Variants in FAT4 observed in about 807,000 individuals in gnomAD.
FAT4 encodes the protein FAT atypical cadherin 4.
A neutral mutation model predicts 303.9 loss-of-function variants in FAT4; 84 were observed. The ratio of observed to expected loss-of-function variants is 0.28; its 90% CI spans 0.23 to 0.33. FAT4 has a LOEUF of 0.33. Ranked by LOEUF, FAT4 falls within the 10% of genes least tolerant of loss-of-function variation. The pLI is 1.00. For synonymous variants in FAT4, 2,307 were observed against 2,298.8 expected, an observed-to-expected ratio of 1.00 and a Z score of -0.10; for missense variants, 6,005 against 6,146.8, an observed-to-expected ratio of 0.98 and a Z score of 0.77.
rs535732043 is a variant in FAT4 at position 125,434,413 on chromosome 4, A to G, written c.7187A>G (p.Asn2396Ser). 1 of 1,614,020 alleles carries G rather than the reference A, an allele frequency of 6.2e-7. No homozygotes were observed. The highest frequency in any genetic ancestry group is 1.3e-5 in the African/African-American group (1 of 75,040). Residue 2396 changes from asparagine (N) to serine (S), a missense_variant, in exon 8 of 18, where the codon AAT (asparagine) becomes AGT (serine). Coordinates refer to ENST00000394329, the MANE Select transcript of FAT4 (RefSeq NM_001291303.3). Reference protein sequence around the residue: ...VNASDADASKNAVISYRIIGG... With the variant: ...VNASDADASKSAVISYRIIGG... The stretch of plus-strand genomic sequence containing the variant: ...GCCTCAGATGCTGATGCTTCAAAGA[A>G]TGCAGTTATAAGGTCAGTACATTTT...
chr4:125,427,136 A>T (rs906051753), intron 7 of FAT4, among the ~76,000 whole-genome samples: 1 of 151,754 alleles, frequency 6.6e-6, no homozygotes, highest in African/African-American at 2.4e-5. Context: ...GTAATTCCTC[A>T]TATGTGCTTT....
intron 2 of FAT4, among the ~76,000 whole-genome samples, chr4:125,345,564 AT>A (rs1431456323): frequency 1.3e-5 from 2 of 151,958 alleles, no homozygotes; most frequent in African/African-American, 4.8e-5. Context: ...AATATTAATG[AT>A]TACTTTTAGT....
intron 16 of FAT4, among the ~76,000 whole-genome samples, chr4:125,485,943 T>C (rs1262529476): frequency 6.6e-6 from 1 of 152,186 alleles, no homozygotes; most frequent in Non-Finnish European, 1.5e-5. Flanking sequence ...CATGATGTTT[T>C]AAAAGTGAAG....
chr4:125,401,761 G>A (rs1005053115), intron 3 of FAT4, among the ~76,000 whole-genome samples: 1 of 151,162 alleles, frequency 6.6e-6, no homozygotes, highest in African/African-American at 2.4e-5. Flanking sequence ...GCTAGTAATG[G>A]GCTAGGATAC....
chr4:125,366,498 T>C (rs1287906001), intron 2 of FAT4, among the ~76,000 whole-genome samples: 1 of 151,560 alleles, frequency 6.6e-6, no homozygotes, highest in Non-Finnish European at 1.5e-5. Context: ...TAATCTGGTC[T>C]ACCATTGATG....
rs781771280 is a variant in FAT4 at position 125,318,537 on chromosome 4, C to T, written c.2126C>T (p.Thr709Ile). Residue 709 changes from threonine to isoleucine, a missense_variant, in exon 2 of 18, where the codon ACC (threonine) becomes ATC (isoleucine). Coordinates refer to ENST00000394329, the MANE Select transcript of FAT4 (RefSeq NM_001291303.3). ...KENEPGGSYI[T>I]TVSATDPDLG... is the part of the protein sequence containing the mutation. ...AATGAGCCTGGAGGTAGCTACATCA[C>T]CACTGTGTCTGCCACTGACCCAGAC... 46 of 1,614,076 alleles carry T rather than the reference C, an allele frequency of 2.8e-5. No individual in the cohort carries two copies. The highest frequency in any genetic ancestry group is 3.7e-5 in the Non-Finnish European group (44 of 1,180,032).
Position 125,316,355 on chromosome 4 carries a change from T to C in FAT4, c.-12-45T>C. The C allele has an allele frequency of 6.5e-7, 1 of 1,534,120 alleles. No individual in the cohort carries two copies. The highest frequency in any genetic ancestry group is 8.8e-7 in the Non-Finnish European group (1 of 1,141,064). On this transcript the variant is annotated intron_variant, in intron 1 of 17. Coordinates refer to ENST00000394329, the MANE Select transcript of FAT4 (RefSeq NM_001291303.3). The surrounding 1 kb of genome is among the most constrained non-coding windows in gnomAD (Gnocchi z 5.7). ...CGCTCCTTAATCCCTGTAAATATCATTGCGTTTGCTTCACCCCTTCCTTCT... is the reference window on the plus strand; with the variant it reads ...CGCTCCTTAATCCCTGTAAATATCACTGCGTTTGCTTCACCCCTTCCTTCT...
In FAT4 at chr4:125,352,086, G is replaced by A. The variant is rs374575526; in HGVS notation, c.5175+30500G>A. Among the ~76,000 whole-genome samples the A allele has an allele frequency of 2.1e-4, 32 of 151,508 alleles. No homozygotes were observed. In the East Asian group the frequency reaches 5.6e-3, roughly 27 times the overall value. On this transcript the variant is annotated intron_variant, in intron 2 of 17. Coordinates refer to ENST00000394329, the MANE Select transcript of FAT4 (RefSeq NM_001291303.3). ...CCCAACAAATCCTTTTTTTAAAAAG[G>A]GATTTAGGTTGTTTCAAGTATATAC...
Position 125,463,564 on chromosome 4 carries a change from G to T in FAT4, c.11802G>T (p.Gly3934=), listed in dbSNP as rs1216169393. 6.4e-7 allele frequency: 1 copy of T among 1,565,242 alleles called. No homozygotes were observed. Among genetic ancestry groups the T allele is most frequent in the African/African-American group, 1.3e-5 (1 of 74,158 alleles). The change falls in exon 11 of 18, where the codon GGG becomes GGT. Residue 3934 remains glycine, a splice_region_variant and synonymous_variant. Coordinates refer to ENST00000394329, the MANE Select transcript of FAT4 (RefSeq NM_001291303.3). ...FNCVCKTGYT[G]KMCESSVNYC... ...AAAACTGAATTTGATATATTTTAGG[G>T]AAAATGTGTGAATCTTCAGTCAATT...
At chr4:125,396,449 C>T (rs1734172056) in intron 2 of FAT4, among the ~76,000 whole-genome samples, 1 of 152,112 alleles carries the variant, frequency 6.6e-6, no homozygotes, top group Non-Finnish European at 1.5e-5. Context: ...GACTCTGTTT[C>T]CTGATGTGCC....
At chr4:125,395,995 T>C (rs1734154383) in intron 2 of FAT4, among the ~76,000 whole-genome samples, 1 of 152,166 alleles carries the variant, frequency 6.6e-6, no homozygotes, top group Admixed American at 6.5e-5. Flanking sequence ...TAATAGTTAG[T>C]TAGTTCTTAT....
chr4:125,463,531 A>AT, intron 10 of FAT4, 32 bp from the exon 11 acceptor site: 1 of 1,382,390 alleles, frequency 7.2e-7, no homozygotes, highest in Non-Finnish European at 1.0e-6. Flanking sequence ...TATGTATGAG[A>AT]TTTAAAAAAA....
chr4:125,492,734 T>C lies in FAT4; in HGVS notation c.*966T>C, dbSNP rs936122351. 7 of 152,560 alleles carry C rather than the reference T, an allele frequency of 4.6e-5. No homozygotes were observed. The highest frequency in any genetic ancestry group is 7.2e-5 in the African/African-American group (3 of 41,440). 9.5% of individuals were successfully genotyped at this position (152,560 alleles called of 1,614,324 possible). On this transcript the variant is annotated 3_prime_UTR_variant, in exon 18 of 18. Coordinates refer to ENST00000394329, the MANE Select transcript of FAT4 (RefSeq NM_001291303.3). ...TAAAATACTGTGTAAAAACTTTTTT[T>C]ACACCTAAGCTGTGTTTTTGATACT...
chr4:125,384,502 G>T (rs541400569), intron 2 of FAT4, among the ~76,000 whole-genome samples: 7 of 151,688 alleles, frequency 4.6e-5, no homozygotes, highest in African/African-American at 1.7e-4. Flanking sequence ...TTTTAAATTG[G>T]GTTATTTATT....
intron 3 of FAT4, among the ~76,000 whole-genome samples, chr4:125,405,800 C>A (rs998806491): frequency 2.0e-5 from 3 of 152,058 alleles, no homozygotes; most frequent in Admixed American, 6.5e-5. Flanking sequence ...CCACGCCTGG[C>A]CACTTGTTGG....
Position 125,321,128 on chromosome 4 carries a change from G to T in FAT4, c.4717G>T (p.Asp1573Tyr), listed in dbSNP as rs1203981297. 1.2e-6 allele frequency: 2 copies of T among 1,614,178 alleles called. No homozygotes were observed. The highest frequency in any genetic ancestry group is 1.7e-6 in the Non-Finnish European group (2 of 1,180,012). Residue 1573 changes from aspartate (D) to tyrosine (Y), a missense_variant, in exon 2 of 18, where the codon GAC becomes TAC. Asp to Tyr is a radical substitution (Grantham distance 160). Transcript: ENST00000394329. ...GTATGAGATCATCAATGGGGACACA[G>T]ACACCTTCATTGTTGATCGTTATAG... ...IEYEIINGDT[D>Y]TFIVDRYSGD...
chr4:125,320,352 C>A lies in FAT4; in HGVS notation c.3941C>A (p.Ser1314Tyr). The A allele has an allele frequency of 6.2e-7, 1 of 1,613,972 alleles. No homozygotes were observed. ...TTAGATGAAAATGACAATACCCCTT[C>A]TTTCCCTAAATCAACACTCTTTGTT... is the stretch of plus-strand genomic sequence containing the variant. ...DILDENDNTP[S>Y]FPKSTLFVDV... The change falls in exon 2 of 18, where the codon TCT becomes TAT. Residue 1314 changes from serine to tyrosine, a missense_variant. Transcript: ENST00000394329.
At chr4:125,419,827 C>T (rs983148869) in intron 7 of FAT4, among the ~76,000 whole-genome samples, 9 of 152,154 alleles carry the variant, frequency 5.9e-5, no homozygotes, top group South Asian at 4.1e-4. Flanking sequence ...TATTTACACC[C>T]TGGAAATCAG....
chr4:125,389,309 A>G (rs866538040), intron 2 of FAT4, among the ~76,000 whole-genome samples: 44 of 152,268 alleles, frequency 2.9e-4, no homozygotes, highest in African/African-American at 9.6e-4. Context: ...CCCATATTGT[A>G]TGTTACTTCA....
Sources: gnomAD v4.1 joint callset for allele counts (sites outside exome capture counted in the v4.1 genomes callset) on GRCh38, gnomAD v4.1.1 for gene constraint, Gnocchi (gnomAD v3.1) non-coding constraint, MANE v1.5 for transcripts, NCBI Gene and HGNC (gene_info 2026-07-23, HGNC 2026-07-21) for gene names.